SMYD3: variants seen among roughly 807,000 people sequenced by gnomAD.
SMYD3 encodes the protein SET and MYND domain containing 3.
A neutral mutation model predicts 57.7 loss-of-function variants in SMYD3; 36 were observed. The ratio of observed to expected loss-of-function variants is 0.62; its 90% CI spans 0.48 to 0.82. The LOEUF (loss-of-function observed/expected upper bound fraction) is 0.82, where lower values mean the gene tolerates loss of function less well. Among genes scored for constraint, SMYD3 ranks in the 40% least tolerant of loss-of-function variants. The pLI, the probability that SMYD3 is intolerant of heterozygous loss-of-function variation, is 0.00. For missense variants in SMYD3, 515 were observed against 538.8 expected (o/e 0.96, Z 0.44); for synonymous variants, 211 against 195.0 (o/e 1.08, Z -0.68).
intron 1 of SMYD3, among the ~76,000 whole-genome samples, chr1:246,457,415 C>T (rs1467300132): frequency 6.6e-6 from 1 of 151,322 alleles, no homozygotes; most frequent in Non-Finnish European, 1.5e-5. Flanking sequence ...CACCTGTAAT[C>T]CCAGCTAATC....
intron 5 of SMYD3, among the ~76,000 whole-genome samples, chr1:246,168,497 A>C (rs1274492474): frequency 6.6e-6 from 1 of 152,242 alleles, no homozygotes; most frequent in Admixed American, 6.5e-5. Flanking sequence ...GGCAGAACCA[A>C]AATCTGTGAA....
At chr1:246,365,927 C>G (rs1289704786) in intron 1 of SMYD3, among the ~76,000 whole-genome samples, 1 of 152,190 alleles carries the variant, frequency 6.6e-6, no homozygotes, top group Non-Finnish European at 1.5e-5. Context: ...CAGGGCTGCT[C>G]TGAACCCTGC....
chr1:245,919,414 C>T (rs1394963847), intron 7 of SMYD3, among the ~76,000 whole-genome samples: 1 of 152,154 alleles, frequency 6.6e-6, no homozygotes, highest in Non-Finnish European at 1.5e-5. Context: ...GCGAGCCTCT[C>T]CTCCACACTC....
chr1:246,038,455 C>CT (rs1446386675), intron 5 of SMYD3, among the ~76,000 whole-genome samples: 1 of 152,126 alleles, frequency 6.6e-6, no homozygotes, highest in Non-Finnish European at 1.5e-5. Flanking sequence ...CGACGGAAGG[C>CT]TGAGACACAA....
chr1:246,129,529 G>A (rs563310353), intron 5 of SMYD3, among the ~76,000 whole-genome samples: 1 of 152,180 alleles, frequency 6.6e-6, no homozygotes, highest in Admixed American at 6.5e-5. Context: ...GACATTCAGC[G>A]CCATTTCCTT....
chr1:246,356,082 C>G (rs1249675419), intron 1 of SMYD3, among the ~76,000 whole-genome samples: 1 of 152,164 alleles, frequency 6.6e-6, no homozygotes, highest in Non-Finnish European at 1.5e-5. Context: ...CTTGTAGAGT[C>G]CACTTCACGC....
At chr1:246,003,220 G>A (rs2059110234) in intron 5 of SMYD3, among the ~76,000 whole-genome samples, 4 of 152,284 alleles carry the variant, frequency 2.6e-5, no homozygotes, top group South Asian at 2.1e-4. Context: ...TTGTTCTGTG[G>A]GGCTCCAATT....
chr1:246,324,567 T>C (rs1234239468), intron 5 of SMYD3, among the ~76,000 whole-genome samples: 4 of 152,010 alleles, frequency 2.6e-5, no homozygotes, highest in African/African-American at 9.7e-5. Context: ...GCCAGCCTTG[T>C]TGACAGCGTA....
At chr1:245,858,455 G>C in intron 10 of SMYD3, 41 bp downstream of exon 10, 3 of 1,556,970 alleles carry the variant, frequency 1.9e-6, no homozygotes, top group Non-Finnish European at 2.6e-6. Context: ...CCAACGTGAA[G>C]ACGTCCTAGC....
rs532641236 is a variant in SMYD3 at position 246,072,971 on chromosome 1, T to C, written c.532-143034A>G. ...CTCCATTTGTGAAAGATAAAATTTC[T>C]TGAGACCTTGGCTCTTTGAGTGACT... On this transcript the variant is annotated intron_variant, in intron 5 of 11. Coordinates refer to ENST00000490107, the MANE Select transcript of SMYD3 (RefSeq NM_001167740.2). 4.6e-5 allele frequency among the ~76,000 whole-genome samples: 7 copies of C among 152,362 alleles called. No homozygotes were observed. The South Asian group carries it at 1.5e-3, about 32-fold the overall frequency.
At chr1:246,413,163 T>G (rs1000927771) in intron 1 of SMYD3, among the ~76,000 whole-genome samples, 1 of 152,208 alleles carries the variant, frequency 6.6e-6, no homozygotes, top group Non-Finnish European at 1.5e-5. Context: ...CTGTGCTAAG[T>G]ATCTCATTTA....
chr1:246,080,019 T>C (rs2060612135), intron 5 of SMYD3, among the ~76,000 whole-genome samples: 1 of 152,206 alleles, frequency 6.6e-6, no homozygotes, highest in Non-Finnish European at 1.5e-5. Context: ...CTTTAATTTT[T>C]CAACCCTTTG....
At chr1:246,267,496 T>C (rs1349745447) in intron 5 of SMYD3, among the ~76,000 whole-genome samples, 9 of 152,236 alleles carry the variant, frequency 5.9e-5, no homozygotes, top group Admixed American at 5.9e-4. Flanking sequence ...AAGTTTTCAT[T>C]TGAACTTACT....
intron 5 of SMYD3, among the ~76,000 whole-genome samples, chr1:246,049,844 A>G (rs1032638363): frequency 6.6e-6 from 1 of 152,224 alleles, no homozygotes; most frequent in Non-Finnish European, 1.5e-5. Context: ...AGGAAGAAGC[A>G]CTGCATAACC....
At chr1:246,406,252 C>T (rs2066865013) in intron 1 of SMYD3, among the ~76,000 whole-genome samples, 1 of 152,118 alleles carries the variant, frequency 6.6e-6, no homozygotes, top group Admixed American at 6.5e-5. Context: ...GTATCTACCT[C>T]ATAGATTTGT....
intron 2 of SMYD3, among the ~76,000 whole-genome samples, chr1:246,346,059 T>C (rs914741277): frequency 5.3e-5 from 8 of 151,026 alleles, no homozygotes; most frequent in African/African-American, 2.0e-4. Context: ...CCAAGGGGGG[T>C]GGATCAAGAG....
chr1:246,209,621 C>T (rs1198222868), intron 5 of SMYD3, among the ~76,000 whole-genome samples: 1 of 151,750 alleles, frequency 6.6e-6, no homozygotes, highest in Non-Finnish European at 1.5e-5. Flanking sequence ...TAGATGTTTC[C>T]TTGTTCTTTT....
intron 10 of SMYD3, among the ~76,000 whole-genome samples, chr1:245,850,189 T>C (rs946408209): frequency 6.6e-6 from 1 of 152,194 alleles, no homozygotes; most frequent in Non-Finnish European, 1.5e-5. Flanking sequence ...ACTAACTTCA[T>C]ATTACAGGCT....
intron 5 of SMYD3, among the ~76,000 whole-genome samples, chr1:245,934,798 T>G (rs112410651): frequency 1.3e-5 from 2 of 152,334 alleles, no homozygotes; most frequent in African/African-American, 4.8e-5. Flanking sequence ...AATGACCAAC[T>G]ACATTTCCCT....
Sources: allele counts gnomAD v4.1 joint callset (sites outside exome capture counted in the v4.1 genomes callset), GRCh38; gene constraint gnomAD v4.1.1; transcripts MANE v1.5; gene names NCBI Gene and HGNC (gene_info 2026-07-23, HGNC 2026-07-21).